ZXDC: variants seen among roughly 807,000 people sequenced by gnomAD.
ZXDC encodes zinc finger protein ZXDC.
Under a neutral mutation model 63.6 loss-of-function variants are expected in ZXDC, and 58 were observed. The observed-to-expected ratio is 0.91, with a 90% CI of 0.74 to 1.13. The LOEUF (loss-of-function observed/expected upper bound fraction) is 1.13. Among genes scored for constraint, ZXDC ranks in the 50% most tolerant of loss-of-function variants. The pLI, the probability that ZXDC is intolerant of heterozygous loss-of-function variation, is 0.00. For synonymous variants in ZXDC, 561 were observed against 496.1 expected (o/e 1.13, Z -1.74); for missense variants, 1,133 against 1,148.9 (o/e 0.99, Z 0.20).
chr3:126,466,484 C>T (rs1226666908), intron 4 of ZXDC, among the ~76,000 whole-genome samples, 159 bp from the exon 5 acceptor site: 1 of 152,138 alleles, frequency 6.6e-6, no homozygotes, highest in Non-Finnish European at 1.5e-5. Context: ...GCATCACAAG[C>T]AATTCAAGTC....
At chr3:126,474,827 T>C in intron 1 of ZXDC, 132 bp downstream of exon 1, 3 of 1,085,680 alleles carry the variant, frequency 2.8e-6, no homozygotes, top group Admixed American at 2.9e-5. Flanking sequence ...TGGAAGGAGC[T>C]AGAATACAAA....
Position 126,462,102 on chromosome 3 carries a change from G to A in ZXDC, c.1560C>T (p.Ala520=). 1 of 1,614,106 alleles carries A rather than the reference G, an allele frequency of 6.2e-7. No individual in the cohort carries two copies. The highest frequency in any genetic ancestry group is 1.3e-5 in the African/African-American group (1 of 75,048). ...ACCCACCTGCAGAACCACTAGCATT[G>A]GCAGGTGTGTCAGAGAAGAGTGCAG... ...DLAALFSDTP[A]NASGSAGGSD... is the part of the protein sequence containing the mutation. The change falls in exon 6 of 10, where the codon GCC becomes GCT. Residue 520 remains alanine (A), a synonymous_variant. Coordinates refer to ENST00000389709, the MANE Select transcript of ZXDC (RefSeq NM_025112.5).
At chr3:126,446,685 G>A (rs958588210) in intron 7 of ZXDC, among the ~76,000 whole-genome samples, 1 of 152,168 alleles carries the variant, frequency 6.6e-6, no homozygotes. Flanking sequence ...GAGGTCACTG[G>A]GGCTTAACTC....
chr3:126,469,741 G>A (rs769511844), intron 4 of ZXDC, among the ~76,000 whole-genome samples: 2 of 152,298 alleles, frequency 1.3e-5, no homozygotes, highest in African/African-American at 2.4e-5. Flanking sequence ...CCGCGAGGCC[G>A]TTCTCACCCC....
chr3:126,464,508 C>T (rs1430569307), intron 5 of ZXDC, among the ~76,000 whole-genome samples: 9 of 152,280 alleles, frequency 5.9e-5, no homozygotes, highest in South Asian at 2.1e-4. Flanking sequence ...CTACCCCTGA[C>T]AGCTGGCAGG....
At position 126,444,555 on chromosome 3, in the gene ZXDC, T is replaced by C. The variant is rs1933811215; in HGVS notation, c.2213-2609A>G. Among the ~76,000 whole-genome samples, 3 of 152,072 alleles carry C rather than the reference T, an allele frequency of 2.0e-5. No homozygotes were observed. The South Asian group carries it at 6.2e-4, about 32-fold the overall frequency. ...TCAAAAAAAAAAAATAATAATAATA[T>C]GAAAACCACTGTAGAATAAATTAAG... On this transcript the variant is annotated intron_variant, in intron 7 of 9. Coordinates refer to ENST00000389709, the MANE Select transcript of ZXDC (RefSeq NM_025112.5).
At position 126,459,382 on chromosome 3, in the gene ZXDC, T is replaced by C. The variant is rs531550178; in HGVS notation, c.2212+271A>G. 5 of 985,460 alleles carry C rather than the reference T, an allele frequency of 5.1e-6. No individual in the cohort carries two copies. The African/African-American group carries it at 5.2e-5, about 10-fold the overall frequency. The allele number at this position is 985,460 out of a possible 1,614,324, so 61.0% of individuals were successfully genotyped here. On this transcript the variant is annotated intron_variant, in intron 7 of 9. Coordinates refer to ENST00000389709, the MANE Select transcript of ZXDC (RefSeq NM_025112.5). Reference sequence around the variant, plus strand: ...GGCCTGCTTTGCTTATTTACCTTAGTAGCCTTCCAGGTAACTGACACTGGT... The same window carrying C: ...GGCCTGCTTTGCTTATTTACCTTAGCAGCCTTCCAGGTAACTGACACTGGT...
intron 7 of ZXDC, chr3:126,457,324 C>T (rs1160712544): frequency 3.0e-6 from 3 of 985,258 alleles, no homozygotes; most frequent in East Asian, 1.1e-4. Flanking sequence ...CACAGAGGAG[C>T]GCTGTGCAGG....
At chr3:126,463,234 A>G (rs1934628056) in intron 5 of ZXDC, among the ~76,000 whole-genome samples, 1 of 151,948 alleles carries the variant, frequency 6.6e-6, no homozygotes, top group Admixed American at 6.6e-5. Flanking sequence ...ATGCCCGGCT[A>G]ATTTTTTTGT....
At chr3:126,453,627 G>A in intron 7 of ZXDC, 8 of 985,430 alleles carry the variant, frequency 8.1e-6, no homozygotes, top group Non-Finnish European at 8.4e-6. Context: ...GGAAGTCACT[G>A]GCTCAAGAGC....
chr3:126,448,614 A>C (rs1340964913), intron 7 of ZXDC, among the ~76,000 whole-genome samples: 1 of 152,220 alleles, frequency 6.6e-6, no homozygotes, highest in Non-Finnish European at 1.5e-5. Flanking sequence ...CAAGCACCAG[A>C]GACCAGCACG....
At chr3:126,474,744 C>CT (rs1935113950) in intron 1 of ZXDC, among the ~76,000 whole-genome samples, 1 of 152,282 alleles carries the variant, frequency 6.6e-6, no homozygotes, top group Non-Finnish European at 1.5e-5. Flanking sequence ...GGAAGCGCAG[C>CT]TGTGGTGATC....
At chr3:126,469,786 C>G (rs1158136742) in intron 4 of ZXDC, among the ~76,000 whole-genome samples, 2 of 152,114 alleles carry the variant, frequency 1.3e-5, no homozygotes, top group African/African-American at 4.8e-5. Context: ...CTGCAGCACC[C>G]TACATGTTAC....
rs181168911 is a variant in ZXDC at position 126,440,760 on chromosome 3, C to T, written c.2394+1005G>A. On this transcript the variant is annotated intron_variant, in intron 8 of 9. Coordinates refer to ENST00000389709, the MANE Select transcript of ZXDC (RefSeq NM_025112.5). ...ACGCTCACCGCTAGCTTCCAACCAG[C>T]ACAGGGCCACCCCCAGCTGCCCGCA... is the stretch of plus-strand genomic sequence containing the variant. 202 of 986,312 alleles carry T rather than the reference C, an allele frequency of 2.0e-4. No homozygotes were observed. The African/African-American group carries it at 3.1e-3, about 15-fold the overall frequency. 61.1% of individuals were successfully genotyped at this position (986,312 alleles called of 1,614,324 possible). A position where few individuals can be genotyped will look rare whatever the true frequency, so the allele number is the denominator to read the frequency against.
intron 6 of ZXDC, chr3:126,460,551 C>A: frequency 1.0e-6 from 1 of 985,448 alleles, no homozygotes; most frequent in African/African-American, 1.7e-5. Flanking sequence ...CCGAGGCACA[C>A]AGTCCTGGCA....
intron 4 of ZXDC, among the ~76,000 whole-genome samples, chr3:126,469,053 C>CA (rs1245291935): frequency 6.6e-6 from 1 of 152,230 alleles, no homozygotes; most frequent in Non-Finnish European, 1.5e-5. Flanking sequence ...GCCTTCTCAA[C>CA]AACCCTGGGA....
chr3:126,461,644 C>T lies in ZXDC; in HGVS notation c.2018G>A (p.Gly673Glu), dbSNP rs368968676. The T allele has an allele frequency of 2.5e-6, 4 of 1,613,740 alleles. No homozygotes were observed. The highest frequency in any genetic ancestry group is 8.5e-7 in the Non-Finnish European group (1 of 1,180,012). ...PDSPSRPGAV[G>E]QQEGSHGLPQ... ...CAGCCCATGGCTTCCTTCCTGCTGC[C>T]CAACTGCTCCTGGGCGAGAAGGCGA... Residue 673 changes from glycine (G) to glutamate (E), a missense_variant, in exon 6 of 10, where the codon GGG becomes GAG. By Grantham distance (98) the Gly-to-Glu change is moderately conservative. Coordinates refer to ENST00000389709, the MANE Select transcript of ZXDC (RefSeq NM_025112.5).
At chr3:126,454,571 T>C in intron 7 of ZXDC, 12 of 985,360 alleles carry the variant, frequency 1.2e-5, no homozygotes, top group South Asian at 4.7e-5. Flanking sequence ...CAGCGGAGAG[T>C]GTGCTTCCCA....
At chr3:126,451,440 G>A in intron 7 of ZXDC, 1 of 985,350 alleles carries the variant, frequency 1.0e-6, no homozygotes, top group Non-Finnish European at 1.2e-6. Context: ...ACAGATCCCT[G>A]GGATTTCCTT....
Sources: gnomAD v4.1 joint callset for allele counts (sites outside exome capture counted in the v4.1 genomes callset) on GRCh38, gnomAD v4.1.1 for gene constraint, MANE v1.5 for transcripts, NCBI Gene and HGNC (gene_info 2026-07-23, HGNC 2026-07-21) for gene names.